Variants in ESRP1 observed in about 807,000 individuals in gnomAD.
The protein encoded by ESRP1 is RNA-binding motif protein 35A.
Under a neutral mutation model 81.7 loss-of-function variants are expected in ESRP1, and 33 were observed. That is an observed-to-expected ratio of 0.40 (90% confidence interval 0.31 to 0.54). The LOEUF is 0.54. Among genes scored for constraint, ESRP1 ranks in the 20% least tolerant of loss-of-function variants. The probability of loss-of-function intolerance (pLI) is 0.41; values close to 1 mark genes in which losing one functional copy is unlikely to be tolerated. For synonymous variants in ESRP1, 320 were observed against 303.3 expected (o/e 1.06, Z -0.57); for missense variants, 672 against 833.1 (o/e 0.81, Z 2.38).
At chr8:94,652,479 GT>G (rs11390715) in intron 4 of ESRP1, among the ~76,000 whole-genome samples, 46 of 146,584 alleles carry the variant, frequency 3.1e-4, no homozygotes, top group Non-Finnish European at 3.2e-4. Flanking sequence ...GGCTTCTGTG[GT>G]TTTTTTTTTT....
At chr8:94,678,757 A>G (rs571540816) in intron 13 of ESRP1, among the ~76,000 whole-genome samples, 4 of 152,386 alleles carry the variant, frequency 2.6e-5, no homozygotes, top group South Asian at 2.1e-4. Context: ...GTTATGGCAC[A>G]GTGAATAAAA....
intron 13 of ESRP1, among the ~76,000 whole-genome samples, chr8:94,682,772 G>A (rs1193553154): frequency 6.7e-6 from 1 of 150,148 alleles, no homozygotes; most frequent in Non-Finnish European, 1.5e-5. Flanking sequence ...AAAGCTTTAT[G>A]GTGAGGAATA....
intron 4 of ESRP1, among the ~76,000 whole-genome samples, chr8:94,651,987 C>CT (rs35903773): frequency 0.14 from 9,333 of 65,096 alleles, 1,327 homozygotes; most frequent in East Asian, 0.18. Context: ...TCTAAAACGC[C>CT]TTTTTTTTTT....
At position 94,643,229 on chromosome 8, in the gene ESRP1, A is replaced by G. The variant is rs375799628; in HGVS notation, c.262-74A>G. 447 of 1,051,014 alleles carry G rather than the reference A, an allele frequency of 4.3e-4. 4 individuals carry two copies. Among genetic ancestry groups the G allele is most frequent in the East Asian group, 1.2e-4 (5 of 41,730 alleles). 65.1% of individuals were successfully genotyped at this position (1,051,014 alleles called of 1,614,324 possible). On this transcript the variant is annotated intron_variant, in intron 2 of 15. Coordinates refer to ENST00000433389, the MANE Select transcript of ESRP1 (RefSeq NM_017697.4). The stretch of plus-strand genomic sequence containing the variant: ...CTTATTGCGGTTTTCTCTGGCTATC[A>G]CCAAGGGGAGCTACTTTGCAGAGTT...
At chr8:94,645,008 A>C (rs7824072) in intron 3 of ESRP1, among the ~76,000 whole-genome samples, 2,949 of 152,266 alleles carry the variant, frequency 0.019, 97 homozygotes, top group African/African-American at 0.067. Context: ...ATAACCACTA[A>C]ATAAAATACT....
intron 11 of ESRP1, 135 bp downstream of exon 11, chr8:94,671,806 G>C (rs1019548706): frequency 5.2e-6 from 3 of 576,936 alleles, no homozygotes; most frequent in Non-Finnish European, 5.5e-6. Flanking sequence ...AAATTAGTCT[G>C]AGATAAATTT....
intron 15 of ESRP1, among the ~76,000 whole-genome samples, chr8:94,699,420 C>A (rs1252030922): frequency 6.6e-6 from 1 of 152,060 alleles, no homozygotes; most frequent in Non-Finnish European, 1.5e-5. Context: ...GTGGGCAGAT[C>A]ACTTAAGCCC....
intron 1 of ESRP1, 93 bp from the exon 2 acceptor site, chr8:94,641,863 C>T: frequency 6.5e-7 from 1 of 1,546,550 alleles, no homozygotes; most frequent in Admixed American, 1.9e-5. Flanking sequence ...CCAAGAGAGG[C>T]GCGGGCCGCC....
intron 13 of ESRP1, among the ~76,000 whole-genome samples, chr8:94,689,503 C>G (rs1000763939): frequency 2.0e-5 from 3 of 151,540 alleles, no homozygotes. Context: ...GCTGAACTGG[C>G]TTATTAGATC....
intron 4 of ESRP1, among the ~76,000 whole-genome samples, chr8:94,658,698 T>A (rs768741147): frequency 5.9e-5 from 9 of 152,312 alleles, no homozygotes; most frequent in Admixed American, 1.3e-4. Flanking sequence ...TTTTTGAGAT[T>A]GATTGACAAA....
chr8:94,662,121 G>T, intron 4 of ESRP1, 151 bp from the exon 5 acceptor site: 1 of 558,772 alleles, frequency 1.8e-6, no homozygotes, highest in Non-Finnish European at 3.1e-6. Context: ...TAAGTTGAAT[G>T]ACTGACTGAT....
chr8:94,654,489 G>A (rs1818304031), intron 4 of ESRP1, among the ~76,000 whole-genome samples: 1 of 152,132 alleles, frequency 6.6e-6, no homozygotes, highest in South Asian at 2.1e-4. Flanking sequence ...TTTGTTGAAT[G>A]AGACCCTATC....
intron 13 of ESRP1, among the ~76,000 whole-genome samples, chr8:94,685,323 T>A (rs1809094116): frequency 6.6e-6 from 1 of 152,166 alleles, no homozygotes; most frequent in Non-Finnish European, 1.5e-5. Flanking sequence ...ATTATAAAAA[T>A]AGACAATATA....
chr8:94,674,457 G>T lies in ESRP1; in HGVS notation c.1602G>T (p.Gly534=). ...AGGAGATGAACTTTGTGTTAATGGGGGGCACTTTAAATCGAAATGGCTTAT... is the reference window on the plus strand; with the variant it reads ...AGGAGATGAACTTTGTGTTAATGGGTGGCACTTTAAATCGAAATGGCTTAT... ...SAEEMNFVLM[G]GTLNRNGLSP... Residue 534 remains glycine (G), a synonymous_variant, in exon 12 of 16, where the codon GGG becomes GGT. Transcript: ENST00000433389. The T allele has an allele frequency of 1.2e-6, 2 of 1,613,826 alleles. No homozygotes were observed. Among genetic ancestry groups the T allele is most frequent in the Non-Finnish European group, 1.7e-6 (2 of 1,179,866 alleles).
chr8:94,680,005 C>A (rs1162567804), intron 13 of ESRP1, among the ~76,000 whole-genome samples: 1 of 151,982 alleles, frequency 6.6e-6, no homozygotes, highest in Non-Finnish European at 1.5e-5. Context: ...TCTATTAAAG[C>A]TCATGTTGAT....
At chr8:94,703,810 T>C (rs1004251076) in intron 15 of ESRP1, among the ~76,000 whole-genome samples, 3 of 152,280 alleles carry the variant, frequency 2.0e-5, no homozygotes. Context: ...ACTGGCCATG[T>C]CTGGGCCCCT....
intron 15 of ESRP1, among the ~76,000 whole-genome samples, chr8:94,705,156 C>CT (rs57801249): frequency 0.069 from 6,222 of 90,362 alleles, 1,191 homozygotes; most frequent in Non-Finnish European, 0.1. Context: ...TGCCTTATTG[C>CT]TTTTTTTTTT....
At chr8:94,677,074 T>C (rs551648209) in intron 12 of ESRP1, among the ~76,000 whole-genome samples, 7 of 152,212 alleles carry the variant, frequency 4.6e-5, no homozygotes, top group African/African-American at 1.7e-4. Context: ...GTATTGTTGG[T>C]CTTTTGCACA....
chr8:94,682,807 A>G (rs769069569), intron 13 of ESRP1, among the ~76,000 whole-genome samples: 2 of 148,006 alleles, frequency 1.4e-5, no homozygotes, highest in East Asian at 4.0e-4. Context: ...TGGGGTAACC[A>G]TTTGTTTTAA....
Sources: allele counts gnomAD v4.1 joint callset (sites outside exome capture counted in the v4.1 genomes callset), GRCh38; gene constraint gnomAD v4.1.1; transcripts MANE v1.5; gene names NCBI Gene and HGNC (gene_info 2026-07-23, HGNC 2026-07-21).